The following DST variants were observed in gnomAD, a reference collection of about 807,000 sequenced individuals.
The protein encoded by DST is bullous pemphigoid antigen.
Under a neutral mutation model 875.2 loss-of-function variants are expected in DST, and 253 were observed. That is an observed-to-expected ratio of 0.29 (90% CI 0.26 to 0.32). DST has a LOEUF of 0.32. DST is among the 10% of genes least tolerant of loss of function. The probability of loss-of-function intolerance (pLI) is 1.00; values close to 1 mark genes in which losing one functional copy is unlikely to be tolerated. For missense variants in DST, 8,287 were observed against 9,111.6 expected, an observed-to-expected ratio of 0.91 and a Z score of 3.68; for synonymous variants, 3,124 against 3,197.1, an observed-to-expected ratio of 0.98 and a Z score of 0.77.
intron 71 of DST, 93 bp from the exon 72 acceptor site, chr6:56,515,761 G>GCACTC: frequency 2.2e-5 from 20 of 907,374 alleles, no homozygotes; most frequent in South Asian, 1.1e-4. Context: ...CCTGGACAGA[G>GCACTC]TGGGCGTTTG....
intron 102 of DST, chr6:56,460,593 C>G (rs1460662700): frequency 5.6e-6 from 1 of 177,320 alleles, no homozygotes; most frequent in Non-Finnish European, 1.2e-5. Flanking sequence ...AGTGAATATT[C>G]CAGAGTTAAT....
At chr6:56,947,476 C>T (rs1286187020) in intron 2 of DST, among the ~76,000 whole-genome samples, 1 of 152,020 alleles carries the variant, frequency 6.6e-6, no homozygotes, top group African/African-American at 2.4e-5. Context: ...TCTCCATCTC[C>T]TGATCTTGTG....
chr6:56,636,255 T>C (rs540164233), intron 23 of DST, among the ~76,000 whole-genome samples: 4,934 of 147,782 alleles, frequency 0.033, 88 homozygotes, highest in Non-Finnish European at 0.043. Flanking sequence ...TATATATATA[T>C]ACACACACAC....
At chr6:56,789,053 C>T (rs1037802414) in intron 4 of DST, among the ~76,000 whole-genome samples, 27 of 152,208 alleles carry the variant, frequency 1.8e-4, no homozygotes, top group African/African-American at 6.5e-4. Flanking sequence ...TATTTTATAA[C>T]CATTAATATA....
intron 4 of DST, among the ~76,000 whole-genome samples, chr6:56,807,478 T>A (rs1425177159): frequency 1.3e-5 from 2 of 152,196 alleles, no homozygotes; most frequent in African/African-American, 2.4e-5. Flanking sequence ...GGGACTCACA[T>A]TACCTGATTG....
Position 56,636,650 on chromosome 6 carries a change from G to A in DST, c.2967C>T (p.Ala989=), listed in dbSNP as rs201217124. 2 of 1,612,744 alleles carry A rather than the reference G, an allele frequency of 1.2e-6. No individual in the cohort carries two copies. The highest frequency in any genetic ancestry group is 4.5e-5 in the East Asian group (2 of 44,876). The change falls in exon 23 of 104, where the codon GCC becomes GCT. Residue 989 remains alanine, a splice_region_variant and synonymous_variant. Coordinates refer to ENST00000680361, the MANE Select transcript of DST (RefSeq NM_001374736.1). ...ACTGCGTCTGCATTGCCGCTCTGTA[G>A]GCCTTAAAGATAAAACAGAGCCATC... ...ENHPARLTIE[A]YRAAMQTQWS... is the part of the protein sequence containing the mutation.
rs1217066120 is a variant in DST at position 56,487,084 on chromosome 6, T to C, written c.21047+20A>G. The C allele has an allele frequency of 1.9e-6, 3 of 1,612,842 alleles. No homozygotes were observed. The South Asian group carries it at 3.3e-5, about 18-fold the overall frequency. ...AAAGAGGTCTACAGAGTAACCAAAC[T>C]GTCTTAAAGAACATTTTACCTTTCC... On this transcript the variant is annotated intron_variant, in intron 87 of 103. Coordinates refer to ENST00000680361, the MANE Select transcript of DST (RefSeq NM_001374736.1).
chr6:56,660,818 T>C (rs1210770737), intron 10 of DST, among the ~76,000 whole-genome samples: 1 of 150,918 alleles, frequency 6.6e-6, no homozygotes, highest in Non-Finnish European at 1.5e-5. Flanking sequence ...ACAGCAAAGA[T>C]GAGAAACAGT....
chr6:56,836,862 AAGAAAG>A (rs1173405770), intron 4 of DST, among the ~76,000 whole-genome samples: 3 of 146,836 alleles, frequency 2.0e-5, no homozygotes, highest in African/African-American at 2.4e-5. Flanking sequence ...AAAAAAAAAA[AAGAAAG>A]AAAAAAAGAA....
chr6:56,750,817 T>C (rs2099584687), intron 4 of DST, among the ~76,000 whole-genome samples: 1 of 152,212 alleles, frequency 6.6e-6, no homozygotes, highest in East Asian at 1.9e-4. Flanking sequence ...ACTCCACTGG[T>C]ATAACCTTTC....
At position 56,608,733 on chromosome 6, in the gene DST, T is replaced by C; in HGVS notation, c.5895A>G (p.Arg1965=). Residue 1965 remains arginine (R), a synonymous_variant, in exon 40 of 104, where the codon AGA becomes AGG. Coordinates refer to ENST00000680361, the MANE Select transcript of DST (RefSeq NM_001374736.1). Reference sequence around the variant, plus strand: ...GAGCTGCTCTTAAAATGCTTATGTTTCTTCCACATTTTAATGTTATTCTAC... The same window carrying C: ...GAGCTGCTCTTAAAATGCTTATGTTCCTTCCACATTTTAATGTTATTCTAC... ...EGGRITLKCG[R]NISILRAAHE... The C allele has an allele frequency of 1.9e-6, 3 of 1,610,650 alleles. No homozygotes were observed. The highest frequency in any genetic ancestry group is 2.5e-6 in the Non-Finnish European group (3 of 1,178,340).
Position 56,526,530 on chromosome 6 carries a change from A to G in DST, c.17960T>C (p.Leu5987Pro). 6.2e-7 allele frequency: 1 copy of G among 1,613,784 alleles called. No individual in the cohort carries two copies. The highest frequency in any genetic ancestry group is 8.5e-7 in the Non-Finnish European group (1 of 1,179,768). Reference sequence around the variant, plus strand: ...ACTGCTCACTTCATTAAGGGAGTCCAGTAAGGCTTTGTTGTTCTTAGCTTC... The same window carrying G: ...ACTGCTCACTTCATTAAGGGAGTCCGGTAAGGCTTTGTTGTTCTTAGCTTC... ...KKEAKNNKALLDSLNEVSSAL... is the reference protein window; with the variant it reads ...KKEAKNNKALPDSLNEVSSAL... Residue 5987 changes from leucine to proline, a missense_variant, in exon 69 of 104, where the codon CTG becomes CCG. By Grantham distance (98) the Leu-to-Pro change is moderately conservative. This residue lies in a region of DST where 777 missense variants were observed against 764.8 expected (regional missense o/e 1.02). Transcript: ENST00000680361.
At chr6:56,913,782 T>C (rs1436252839) in intron 2 of DST, among the ~76,000 whole-genome samples, 3 of 152,238 alleles carry the variant, frequency 2.0e-5, no homozygotes, top group Non-Finnish European at 4.4e-5. Flanking sequence ...CTGGCAGCCG[T>C]GTCTACTCCA....
intron 69 of DST, among the ~76,000 whole-genome samples, chr6:56,521,668 T>A (rs889220618): frequency 1.3e-5 from 2 of 150,618 alleles, no homozygotes; most frequent in Admixed American, 1.3e-4. Context: ...GAGAAACTTT[T>A]AAAATTAAAT....
chr6:56,761,704 T>TA (rs112560519), intron 4 of DST, among the ~76,000 whole-genome samples: 51 of 145,746 alleles, frequency 3.5e-4, no homozygotes, highest in African/African-American at 7.0e-4. Flanking sequence ...AGGAACCTAT[T>TA]AAAAAAAAAA....
intron 58 of DST, among the ~76,000 whole-genome samples, chr6:56,558,688 C>T (rs186555242): frequency 1.1e-4 from 16 of 152,236 alleles, no homozygotes; most frequent in Admixed American, 7.9e-4. Flanking sequence ...ACTAACTCCT[C>T]GTTACCTAGA....
At chr6:56,717,730 G>T (rs957280179) in intron 5 of DST, among the ~76,000 whole-genome samples, 10 of 151,438 alleles carry the variant, frequency 6.6e-5, no homozygotes, top group African/African-American at 2.4e-4. Context: ...AGGTTCATAA[G>T]GACCATTTCC....
chr6:56,923,816 A>G (rs993942458), intron 2 of DST, among the ~76,000 whole-genome samples: 1 of 152,116 alleles, frequency 6.6e-6, no homozygotes, highest in South Asian at 2.1e-4. Context: ...TTAAATGTTA[A>G]TCTCATCCAA....
At chr6:56,777,314 G>C (rs368313093) in intron 4 of DST, among the ~76,000 whole-genome samples, 1 of 152,072 alleles carries the variant, frequency 6.6e-6, no homozygotes, top group Non-Finnish European at 1.5e-5. Context: ...AGAGAAATAC[G>C]AAGGCAAAAG....
Sources: gnomAD v4.1 joint callset for allele counts (sites outside exome capture counted in the v4.1 genomes callset) on GRCh38, gnomAD v4.1.1 for gene constraint, gnomAD v4.1.1 regional missense constraint, MANE v1.5 for transcripts, NCBI Gene and HGNC (gene_info 2026-07-23, HGNC 2026-07-21) for gene names.